The following RBFOX1 variants were observed in gnomAD, a reference collection of about 807,000 sequenced individuals.
RBFOX1 encodes the protein RNA binding protein fox-1 homolog 1.
A neutral mutation model predicts 57.7 loss-of-function variants in RBFOX1; 8 were observed. The observed-to-expected ratio is 0.14, with a 90% CI of 0.08 to 0.25. The LOEUF (loss-of-function observed/expected upper bound fraction) is 0.25. Among genes scored for constraint, RBFOX1 ranks in the 10% least tolerant of loss-of-function variants. The probability of loss-of-function intolerance (pLI) is 1.00; values close to 1 mark genes in which losing one functional copy is unlikely to be tolerated. For missense variants in RBFOX1, 611 were observed against 548.5 expected, an observed-to-expected ratio of 1.11 and a Z score of -1.14; for synonymous variants, 326 against 222.4, an observed-to-expected ratio of 1.47 and a Z score of -4.15.
intron 4 of RBFOX1, among the ~76,000 whole-genome samples, chr16:7,418,021 T>A (rs1464648784): frequency 6.6e-6 from 1 of 151,744 alleles, no homozygotes; most frequent in Admixed American, 6.6e-5. Context: ...TGTGTGGAGG[T>A]CCTCTATAGA....
At chr16:7,668,329 T>C (rs985136492) in intron 13 of RBFOX1, among the ~76,000 whole-genome samples, 4 of 152,162 alleles carry the variant, frequency 2.6e-5, no homozygotes, top group African/African-American at 9.7e-5. Context: ...GACCTCCTTC[T>C]GAAAGTTTTC....
At chr16:6,843,573 C>T (rs533114781) in intron 3 of RBFOX1, among the ~76,000 whole-genome samples, 2 of 152,062 alleles carry the variant, frequency 1.3e-5, no homozygotes, top group Non-Finnish European at 2.9e-5. Flanking sequence ...CCTGTAGTCC[C>T]AGCTACTCAG....
chr16:6,983,856 G>T (rs1221667203), intron 3 of RBFOX1: 1 of 152,400 alleles, frequency 6.6e-6, no homozygotes, highest in Non-Finnish European at 1.5e-5. Flanking sequence ...CATGCATGCA[G>T]CCAAGTGGAG....
intron 2 of RBFOX1, among the ~76,000 whole-genome samples, chr16:6,640,822 C>G (rs2098481591): frequency 6.6e-6 from 1 of 152,092 alleles, no homozygotes. Context: ...GCCTCTCTGA[C>G]TAGTCCCTGT....
At chr16:6,111,419 G>C (rs1390629089) in intron 1 of RBFOX1, among the ~76,000 whole-genome samples, 1 of 152,172 alleles carries the variant, frequency 6.6e-6, no homozygotes, top group African/African-American at 2.4e-5. Flanking sequence ...CACAGAGTGG[G>C]CTGTGAAACC....
chr16:5,536,388 C>T (rs1011500289), intron 2 of RBFOX1, among the ~76,000 whole-genome samples: 3 of 151,994 alleles, frequency 2.0e-5, no homozygotes, highest in Non-Finnish European at 4.4e-5. Flanking sequence ...GTGCCCGCCA[C>T]CATGCCCGGC....
chr16:5,302,357 T>A (rs1035274868), intron 1 of RBFOX1, among the ~76,000 whole-genome samples: 1 of 152,190 alleles, frequency 6.6e-6, no homozygotes, highest in Non-Finnish European at 1.5e-5. Context: ...AGCAGCAGCA[T>A]ATGGTCTCTC....
intron 1 of RBFOX1, among the ~76,000 whole-genome samples, chr16:5,293,883 C>G (rs545892357): frequency 6.6e-6 from 1 of 152,248 alleles, no homozygotes; most frequent in South Asian, 2.1e-4. Flanking sequence ...TTTAATGATA[C>G]TGAAGTGTAT....
At chr16:5,584,934 C>T (rs538227354) in intron 2 of RBFOX1, among the ~76,000 whole-genome samples, 8 of 152,014 alleles carry the variant, frequency 5.3e-5, no homozygotes, top group South Asian at 4.2e-4. Flanking sequence ...TGAAAAAATA[C>T]GGTCAAAGCA....
chr16:5,596,980 C>A (rs1475141264), intron 2 of RBFOX1, among the ~76,000 whole-genome samples: 1 of 152,166 alleles, frequency 6.6e-6, no homozygotes, highest in Non-Finnish European at 1.5e-5. Flanking sequence ...ATTTCTTGGT[C>A]ACCAGATTTT....
At chr16:6,579,798 G>C (rs2097507184) in intron 2 of RBFOX1, among the ~76,000 whole-genome samples, 1 of 151,940 alleles carries the variant, frequency 6.6e-6, no homozygotes, top group Admixed American at 6.6e-5. Context: ...GTTGCCCAGG[G>C]TGGTCTCAAA....
intron 1 of RBFOX1, among the ~76,000 whole-genome samples, chr16:6,205,982 A>G (rs1367281354): frequency 6.7e-6 from 1 of 150,154 alleles, no homozygotes; most frequent in Non-Finnish European, 1.5e-5. Context: ...TCTGGAGTAT[A>G]TGTATTCTAG....
At chr16:6,010,817 T>C (rs2152337940) in intron 4 of RBFOX1, among the ~76,000 whole-genome samples, 1 of 152,362 alleles carries the variant, frequency 6.6e-6, no homozygotes, top group East Asian at 1.9e-4. Flanking sequence ...ATCTACTTTA[T>C]AGTCCTAAAA....
intron 4 of RBFOX1, among the ~76,000 whole-genome samples, chr16:5,903,086 ATGGGTGTGTG>A (rs1044476317): frequency 2.0e-5 from 3 of 151,698 alleles, no homozygotes; most frequent in Admixed American, 6.6e-5. Flanking sequence ...TTTGTATTAG[ATGGGTGTGTG>A]TGGGTGTGTG....
chr16:6,886,780 AAACAAAAAAAAAACCAG>A (rs2064144726), intron 3 of RBFOX1, among the ~76,000 whole-genome samples: 1 of 144,922 alleles, frequency 6.9e-6, no homozygotes, highest in African/African-American at 2.7e-5. Context: ...AAACAAAACA[AAACAAAAAAAAAACCAG>A]AAAAAAAAAG....
chr16:7,666,144 A>G (rs1184539578), intron 13 of RBFOX1, among the ~76,000 whole-genome samples: 1 of 152,094 alleles, frequency 6.6e-6, no homozygotes, highest in Non-Finnish European at 1.5e-5. Context: ...ATTATGAGGC[A>G]GGCTGGGGCT....
intron 4 of RBFOX1, among the ~76,000 whole-genome samples, chr16:7,487,152 G>A (rs917723481): frequency 3.3e-5 from 5 of 152,034 alleles, no homozygotes; most frequent in East Asian, 1.9e-4. Flanking sequence ...TACCCGCCTC[G>A]GCCTCCAAAA....
intron 3 of RBFOX1, among the ~76,000 whole-genome samples, chr16:6,677,505 T>G (rs2057936653): frequency 6.6e-6 from 1 of 152,166 alleles, no homozygotes; most frequent in South Asian, 2.1e-4. Flanking sequence ...CAGCCTAAAT[T>G]AAGAATTCCA....
chr16:6,501,047 T>C (rs1037488118), intron 2 of RBFOX1, among the ~76,000 whole-genome samples: 3 of 151,594 alleles, frequency 2.0e-5, no homozygotes, highest in African/African-American at 7.3e-5. Flanking sequence ...TCACTGCCCA[T>C]GGGAGTCTGC....
Sources: allele counts gnomAD v4.1 joint callset (sites outside exome capture counted in the v4.1 genomes callset), GRCh38; gene constraint gnomAD v4.1.1; transcripts MANE v1.5; gene names NCBI Gene and HGNC (gene_info 2026-07-23, HGNC 2026-07-21).